Variants in ERCC6 observed in about 807,000 individuals in gnomAD.
The protein encoded by ERCC6 is ERCC excision repair 6, chromatin remodeling factor.
Under a neutral mutation model 158.7 loss-of-function variants are expected in ERCC6, and 116 were observed. That is an observed-to-expected ratio of 0.73 (90% CI 0.63 to 0.85). The LOEUF is 0.85. Among genes scored for constraint, ERCC6 ranks in the 40% least tolerant of loss-of-function variants. The pLI, the probability that ERCC6 is intolerant of heterozygous loss-of-function variation, is 0.00. For synonymous variants in ERCC6, 678 were observed against 659.3 expected (o/e 1.03, Z -0.43); for missense variants, 1,698 against 1,799.4 (o/e 0.94, Z 1.02).
chr10:49,475,470 A>G, intron 12 of ERCC6: 1 of 433,506 alleles, frequency 2.3e-6, no homozygotes, highest in Non-Finnish European at 4.6e-6. Context: ...CATGGAGATG[A>G]ATAGATGTGA....
intron 7 of ERCC6, among the ~76,000 whole-genome samples, chr10:49,497,378 A>T (rs1160824214): frequency 6.6e-6 from 1 of 152,256 alleles, no homozygotes; most frequent in African/African-American, 2.4e-5. Flanking sequence ...CATTCAAATA[A>T]GCATAAACAC....
chr10:49,496,628 T>G (rs1019401411), intron 7 of ERCC6, among the ~76,000 whole-genome samples: 3 of 152,034 alleles, frequency 2.0e-5, no homozygotes, highest in African/African-American at 7.2e-5. Context: ...GCCAACATGG[T>G]GAAACCCCGT....
Position 49,475,448 on chromosome 10 carries a change from T to C in ERCC6, c.2382+767A>G, listed in dbSNP as rs149277512. 41 of 448,732 alleles carry C rather than the reference T, an allele frequency of 9.1e-5. No homozygotes were observed. The East Asian group carries it at 2.4e-3, about 26-fold the overall frequency. 27.8% of individuals were successfully genotyped at this position (448,732 alleles called of 1,614,324 possible). A position where few individuals can be genotyped will look rare whatever the true frequency, so the allele number is the denominator to read the frequency against. The stretch of plus-strand genomic sequence containing the variant: ...CTAACTTGGAAAGACCTGAAGAAGT[T>C]AAGGGGAGATTCATGGAGATGAATA... On this transcript the variant is annotated intron_variant, in intron 12 of 20. Transcript: ENST00000355832.
intron 18 of ERCC6, among the ~76,000 whole-genome samples, chr10:49,468,252 C>T (rs1337865526): frequency 6.6e-6 from 1 of 152,212 alleles, no homozygotes; most frequent in Non-Finnish European, 1.5e-5. Context: ...GCAGAGCTGT[C>T]TCCGCTATCG....
At chr10:49,500,345 A>T (rs757279099) in intron 7 of ERCC6, among the ~76,000 whole-genome samples, 193 bp downstream of exon 7, 2 of 152,146 alleles carry the variant, frequency 1.3e-5, no homozygotes, top group Non-Finnish European at 2.9e-5. Flanking sequence ...AAAGTGTTAC[A>T]TGTTTAATTT....
At chr10:49,471,993 A>T (rs1347467378) in intron 16 of ERCC6, among the ~76,000 whole-genome samples, 1 of 152,224 alleles carries the variant, frequency 6.6e-6, no homozygotes, top group Non-Finnish European at 1.5e-5. Context: ...ACCCACACTG[A>T]TCCTACCTGC....
At chr10:49,516,415 T>C in intron 5 of ERCC6, 5 of 1,614,208 alleles carry the variant, frequency 3.1e-6, no homozygotes, top group Non-Finnish European at 4.2e-6. Context: ...AAATTTGCAT[T>C]GTCAGCAACA....
rs1164173705 is a variant in ERCC6, at chr10:49,524,191, C to T, written c.1239G>A (p.Arg413=). ...TCTCCTGCACTGGCACTTTCTTCTG[C>T]CGTTTCCCGCCCTTGGGCAGAGGCT... The part of the protein sequence containing the change: ...ELKPLPKGGK[R]QKKVPVQEID... The change falls in exon 5 of 21, where the codon CGG becomes CGA. Residue 413 remains arginine, a synonymous_variant. Coordinates refer to ENST00000355832, the MANE Select transcript of ERCC6 (RefSeq NM_000124.4). The T allele has an allele frequency of 1.2e-6, 2 of 1,614,166 alleles. No homozygotes were observed. The highest frequency in any genetic ancestry group is 1.7e-6 in the Non-Finnish European group (2 of 1,180,038).
intron 4 of ERCC6, among the ~76,000 whole-genome samples, chr10:49,525,865 C>T (rs1426990909): frequency 6.6e-6 from 1 of 151,758 alleles, no homozygotes. Context: ...AACGTACAGA[C>T]AAGTTGTGCC....
chr10:49,481,151 T>C (rs923290429), intron 10 of ERCC6, among the ~76,000 whole-genome samples: 1 of 152,140 alleles, frequency 6.6e-6, no homozygotes, highest in African/African-American at 2.4e-5. Context: ...ACCTCAGCTG[T>C]GAATCTACAT....
intron 12 of ERCC6, 55 bp from the exon 13 acceptor site, chr10:49,474,297 C>T (rs1056779715): frequency 2.8e-6 from 4 of 1,424,988 alleles, no homozygotes; most frequent in Admixed American, 3.3e-5. Flanking sequence ...AAGTAAGATT[C>T]CCTAGGCAAG....
At chr10:49,503,782 G>C (rs1206462412) in intron 6 of ERCC6, 1 of 152,028 alleles carries the variant, frequency 6.6e-6, no homozygotes, top group Non-Finnish European at 1.5e-5. Context: ...ACTCTTTAGG[G>C]ACAGTTAAAG....
In ERCC6 at chr10:49,458,813, G is replaced by C; in HGVS notation, c.*2C>G. ...ACTTGAAAGTTTAGGAAGCAATGTT[G>C]TTTAGCAGTATTCTGGCTTGAGTTT... On this transcript the variant is annotated 3_prime_UTR_variant, in exon 21 of 21. Coordinates refer to ENST00000355832, the MANE Select transcript of ERCC6 (RefSeq NM_000124.4). 1 of 1,614,048 alleles carries C rather than the reference G, an allele frequency of 6.2e-7. No individual in the cohort carries two copies. The highest frequency in any genetic ancestry group is 8.5e-7 in the Non-Finnish European group (1 of 1,179,908).
rs1163005043 is a variant in ERCC6 at position 49,454,566 on chromosome 10, G to T, written c.*4249C>A. The stretch of plus-strand genomic sequence containing the variant: ...TTGTGTCTCTCTGTATGAGAGGAAG[G>T]TGTTTATTTTTTGTTACAATTTTCA... On this transcript the variant is annotated 3_prime_UTR_variant, in exon 21 of 21. Transcript: ENST00000355832. Among the ~76,000 whole-genome samples, 2 of 152,176 alleles carry T rather than the reference G, an allele frequency of 1.3e-5. No individual in the cohort carries two copies. Among genetic ancestry groups the T allele is most frequent in the Admixed American group, 6.5e-5 (1 of 15,274 alleles).
At position 49,530,700 on chromosome 10, in the gene ERCC6, T is replaced by C; in HGVS notation, c.543+20A>G. The C allele has an allele frequency of 6.2e-7, 1 of 1,611,680 alleles. No individual in the cohort carries two copies. The highest frequency in any genetic ancestry group is 8.5e-7 in the Non-Finnish European group (1 of 1,179,158). ...GATGACTTTTTCAAAAATGCAATAC[T>C]GAATGTTATTCTGAATCACCTTATT... On this transcript the variant is annotated intron_variant, in intron 3 of 20. Coordinates refer to ENST00000355832, the MANE Select transcript of ERCC6 (RefSeq NM_000124.4).
At chr10:49,495,633 CCT>C (rs1186457703) in intron 7 of ERCC6, among the ~76,000 whole-genome samples, 1 of 152,152 alleles carries the variant, frequency 6.6e-6, no homozygotes, top group South Asian at 2.1e-4. Context: ...CTGGCTGTCC[CCT>C]GTCCCCGTGC....
intron 5 of ERCC6, among the ~76,000 whole-genome samples, chr10:49,520,780 T>C (rs1038566876): frequency 6.6e-6 from 1 of 152,134 alleles, no homozygotes; most frequent in African/African-American, 2.4e-5. Context: ...GCCCTCCCTG[T>C]CCTCAGCCTC....
intron 6 of ERCC6, chr10:49,502,355 C>T (rs72793793): frequency 0.044 from 6,642 of 152,126 alleles, 224 homozygotes; most frequent in Non-Finnish European, 0.063. Flanking sequence ...AATCAAAACA[C>T]GATGAAGTGT....
Position 49,483,579 on chromosome 10 carries a change from A to G in ERCC6, c.1822-63T>C, listed in dbSNP as rs972002856. On this transcript the variant is annotated intron_variant, in intron 8 of 20. Transcript: ENST00000355832. ...AAGAAGTGACACCCTTTCAATCATG[A>G]CACAATCTAAAGTACTTTATAAAAA... 2.7e-6 allele frequency: 4 copies of G among 1,492,790 alleles called. No homozygotes were observed. The Admixed American group carries it at 5.0e-5, about 19-fold the overall frequency. The allele number at this position is 1,492,790 out of a possible 1,614,324, so 92.5% of individuals were successfully genotyped here.
Sources: gnomAD v4.1 joint callset for allele counts (sites outside exome capture counted in the v4.1 genomes callset) on GRCh38, gnomAD v4.1.1 for gene constraint, MANE v1.5 for transcripts, NCBI Gene and HGNC (gene_info 2026-07-23, HGNC 2026-07-21) for gene names.